The following CLASP2 variants were observed in gnomAD, a reference collection of about 807,000 sequenced individuals.
CLASP2 encodes cytoplasmic linker associated protein 2, also known as CLIP-associating protein 2.
In CLASP2, 47 loss-of-function variants were observed where a neutral mutation model predicts 194.4. That is an observed-to-expected ratio of 0.24 (90% CI 0.19 to 0.31). CLASP2 has a LOEUF of 0.31. CLASP2 is among the 10% of genes least tolerant of loss of function. The pLI is 1.00. For synonymous variants in CLASP2, 619 were observed against 633.5 expected, an observed-to-expected ratio of 0.98 and a Z score of 0.34; for missense variants, 1,445 against 1,823.6, an observed-to-expected ratio of 0.79 and a Z score of 3.78.
Position 33,551,256 on chromosome 3 carries a change from C to T in CLASP2, c.3149G>A (p.Arg1050Gln), listed in dbSNP as rs775724211. The T allele has an allele frequency of 1.2e-6, 2 of 1,611,512 alleles. No homozygotes were observed. Among genetic ancestry groups the T allele is most frequent in the South Asian group, 1.1e-5 (1 of 90,480 alleles). The part of the protein sequence containing the change: ...WTTEPKSSDV[R>Q]KAAQSVLISL... ...AAACCTCATATTAAAATATACCTTC[C>T]GAACATCAGAACTTTTGGGTTCTGT... The change falls in exon 30 of 39, where the codon CGG becomes CAG. Residue 1050 changes from arginine to glutamine, a missense_variant. Arg to Gln is a conservative substitution (Grantham distance 43, BLOSUM62 1). This residue lies in a region of CLASP2 where 732 missense variants were observed against 987.9 expected (regional missense o/e 0.74). Transcript: ENST00000682230.
At chr3:33,675,118 C>T (rs955405953) in intron 6 of CLASP2, among the ~76,000 whole-genome samples, 30 of 152,112 alleles carry the variant, frequency 2.0e-4, no homozygotes, top group South Asian at 6.2e-4. Context: ...ACCAAAGCCG[C>T]GCAGAGACAC....
intron 6 of CLASP2, among the ~76,000 whole-genome samples, chr3:33,681,439 A>G (rs773985632): frequency 6.6e-6 from 1 of 152,194 alleles, no homozygotes; most frequent in Non-Finnish European, 1.5e-5. Context: ...CACCACCCGT[A>G]AAGTCGCCTT....
chr3:33,525,073 G>T (rs1194212442), intron 34 of CLASP2, among the ~76,000 whole-genome samples: 5 of 152,112 alleles, frequency 3.3e-5, no homozygotes, highest in Non-Finnish European at 5.9e-5. Flanking sequence ...ATAAAACATA[G>T]TATCTTCTCC....
At position 33,717,846 on chromosome 3, in the gene CLASP2, C is replaced by T; in HGVS notation, c.157G>A (p.Asp53Asn). The change falls in exon 1 of 39, where the codon GAC (aspartate) becomes AAC (asparagine). Residue 53 changes from aspartate (D) to asparagine (N), a missense_variant. By Grantham distance (23) the Asp-to-Asn change is conservative (BLOSUM62 1). Transcript: ENST00000682230. ...GAACCCACCCAGCCGGTGAGCGCGT[C>T]GACTGTCTTGCCTAGGCGGCCCAGG... is the stretch of plus-strand genomic sequence containing the variant. ...EDLGRLGKTV[D>N]ALTGWVGSSN... 1 of 1,564,990 alleles carries T rather than the reference C, an allele frequency of 6.4e-7. No individual in the cohort carries two copies. Among genetic ancestry groups the T allele is most frequent in the Non-Finnish European group, 8.7e-7 (1 of 1,155,446 alleles).
At chr3:33,702,361 G>C (rs2092432884) in intron 1 of CLASP2, among the ~76,000 whole-genome samples, 1 of 152,118 alleles carries the variant, frequency 6.6e-6, no homozygotes, top group Middle Eastern at 3.4e-3. Flanking sequence ...TTTCAACAAG[G>C]GTGTCAAGAC....
At chr3:33,675,825 C>A (rs2088497354) in intron 6 of CLASP2, among the ~76,000 whole-genome samples, 1 of 143,296 alleles carries the variant, frequency 7.0e-6, no homozygotes, top group African/African-American at 2.5e-5. Context: ...AGTGAACTCC[C>A]ATTCACAATT....
intron 7 of CLASP2, among the ~76,000 whole-genome samples, chr3:33,654,508 G>A (rs754026910): frequency 6.6e-6 from 1 of 152,028 alleles, no homozygotes; most frequent in Non-Finnish European, 1.5e-5. Flanking sequence ...AACCCAGGAA[G>A]TTCAATATCT....
chr3:33,531,767 C>G (rs748437741), intron 34 of CLASP2, among the ~76,000 whole-genome samples: 19 of 152,166 alleles, frequency 1.2e-4, no homozygotes, highest in Non-Finnish European at 2.4e-4. Flanking sequence ...AAGAGCGAAA[C>G]TCTGTCTCAA....
intron 7 of CLASP2, among the ~76,000 whole-genome samples, chr3:33,655,593 G>A (rs2084018238): frequency 6.6e-6 from 1 of 152,018 alleles, no homozygotes; most frequent in Non-Finnish European, 1.5e-5. Context: ...TAGCCTTCTT[G>A]CCAGTAAGTC....
At chr3:33,541,717 T>C (rs1169968606) in intron 32 of CLASP2, among the ~76,000 whole-genome samples, 26 of 152,216 alleles carry the variant, frequency 1.7e-4, no homozygotes, top group Admixed American at 1.7e-3. Flanking sequence ...AGATACCACA[T>C]TTTCTTTATC....
chr3:33,574,604 G>GT (rs1560105341), intron 24 of CLASP2: 10 of 621,260 alleles, frequency 1.6e-5, no homozygotes, highest in East Asian at 3.0e-5. Context: ...GAAACATTAC[G>GT]TTTTTTTCAC....
chr3:33,716,474 C>G (rs913999143), intron 1 of CLASP2, among the ~76,000 whole-genome samples: 1 of 152,136 alleles, frequency 6.6e-6, no homozygotes, highest in East Asian at 1.9e-4. Flanking sequence ...CACAACAGCC[C>G]GTGTAGAAGA....
intron 6 of CLASP2, among the ~76,000 whole-genome samples, chr3:33,667,704 G>A (rs2086448780): frequency 6.6e-6 from 1 of 151,966 alleles, no homozygotes; most frequent in African/African-American, 2.4e-5. Context: ...TCTTTTGCCT[G>A]GGGATATCCA....
At chr3:33,607,186 C>T (rs2074059106) in intron 15 of CLASP2, among the ~76,000 whole-genome samples, 198 bp downstream of exon 15, 1 of 152,146 alleles carries the variant, frequency 6.6e-6, no homozygotes, top group African/African-American at 2.4e-5. Flanking sequence ...AAAAAGAATA[C>T]TGATGATTAC....
intron 32 of CLASP2, 138 bp from the exon 33 acceptor site, chr3:33,539,080 A>G (rs1415793604): frequency 8.7e-6 from 5 of 573,120 alleles, no homozygotes; most frequent in Admixed American, 3.9e-5. Context: ...AAAATAAAAA[A>G]TAGCAGCTAT....
chr3:33,675,472 C>A (rs928914005), intron 6 of CLASP2, among the ~76,000 whole-genome samples: 10 of 149,318 alleles, frequency 6.7e-5, no homozygotes, highest in African/African-American at 2.2e-4. Flanking sequence ...AAACCCACAG[C>A]CAATATCATA....
intron 1 of CLASP2, 63 bp downstream of exon 1, chr3:33,717,745 C>T: frequency 1.3e-6 from 2 of 1,511,374 alleles, no homozygotes; most frequent in South Asian, 2.4e-5. Flanking sequence ...CCGGCGCTCG[C>T]GTCCGGGATT....
At chr3:33,534,651 G>A (rs1412461022) in intron 34 of CLASP2, among the ~76,000 whole-genome samples, 1 of 152,032 alleles carries the variant, frequency 6.6e-6, no homozygotes, top group African/African-American at 2.4e-5. Flanking sequence ...CTGCACACTG[G>A]GATTAGGTAG....
chr3:33,695,153 G>A (rs1373059798), intron 2 of CLASP2, among the ~76,000 whole-genome samples: 1 of 149,040 alleles, frequency 6.7e-6, no homozygotes, highest in Non-Finnish European at 1.5e-5. Context: ...TTGAAATCCT[G>A]GGCCCAACCT....
Sources: allele counts gnomAD v4.1 joint callset (sites outside exome capture counted in the v4.1 genomes callset), GRCh38; gene constraint gnomAD v4.1.1; regional missense constraint gnomAD v4.1.1; transcripts MANE v1.5; gene names NCBI Gene and HGNC (gene_info 2026-07-23, HGNC 2026-07-21).